Variants in TTLL1 observed in about 807,000 individuals in gnomAD.
The protein encoded by TTLL1 is TTL family tubulin polyglutamylase complex subunit L1.
A neutral mutation model predicts 47.8 loss-of-function variants in TTLL1; 33 were observed. The observed-to-expected ratio is 0.69, with a 90% CI of 0.52 to 0.92. The LOEUF is 0.92. Ranked by LOEUF, TTLL1 falls within the 40% of genes least tolerant of loss-of-function variation. The pLI, the probability that TTLL1 is intolerant of heterozygous loss-of-function variation, is 0.00. For missense variants in TTLL1, 488 were observed against 547.5 expected (o/e 0.89, Z 1.08); for synonymous variants, 225 against 214.1 (o/e 1.05, Z -0.45).
rs751961965 is a variant in TTLL1 at position 43,059,465 on chromosome 22, C to G, written c.810G>C (p.Glu270Asp). 1 of 1,614,068 alleles carries G rather than the reference C, an allele frequency of 6.2e-7. No individual in the cohort carries two copies. The highest frequency in any genetic ancestry group is 1.1e-5 in the South Asian group (1 of 91,072). ...WTVSNLRLYL[E>D]STRGKEVTSK... Reference sequence around the variant, plus strand: ...TGGTCACCTCCTTGCCGCGGGTGCTCTCCAGGTAGAGCCGCAGGTTACTCA... The same window carrying G: ...TGGTCACCTCCTTGCCGCGGGTGCTGTCCAGGTAGAGCCGCAGGTTACTCA... The change falls in exon 8 of 11, where the codon GAG becomes GAC. Residue 270 changes from glutamate (E) to aspartate (D), a missense_variant. By Grantham distance (45) the Glu-to-Asp change is conservative. Coordinates refer to ENST00000266254, the MANE Select transcript of TTLL1 (RefSeq NM_012263.5).
intron 1 of TTLL1, among the ~76,000 whole-genome samples, chr22:43,088,038 C>T (rs941066067): frequency 2.0e-5 from 3 of 148,816 alleles, no homozygotes; most frequent in Non-Finnish European, 4.5e-5. Flanking sequence ...ATCACAGCTA[C>T]ATGGGAGGCT....
At chr22:43,084,915 G>C (rs1246187776) in intron 1 of TTLL1, among the ~76,000 whole-genome samples, 2 of 149,494 alleles carry the variant, frequency 1.3e-5, no homozygotes, top group East Asian at 4.1e-4. Context: ...CCTGCACAGA[G>C]TAAGGAATGA....
intron 2 of TTLL1, among the ~76,000 whole-genome samples, chr22:43,078,676 G>A (rs1252943349): frequency 1.3e-5 from 2 of 152,064 alleles, no homozygotes; most frequent in Non-Finnish European, 2.9e-5. Context: ...ACAACACCCA[G>A]GTCACAGGGT....
At position 43,055,689 on chromosome 22, in the gene TTLL1, G is replaced by A. The variant is rs1926951896; in HGVS notation, c.891+3695C>T. ...GCATCTTGCTATGTGGTCCAGGCTG[G>A]TCTTGAACTCCTGGCCTCAAGCAAT... is the stretch of plus-strand genomic sequence containing the variant. On this transcript the variant is annotated intron_variant, in intron 8 of 10. Coordinates refer to ENST00000266254, the MANE Select transcript of TTLL1 (RefSeq NM_012263.5). Among the ~76,000 whole-genome samples, 6 of 151,790 alleles carry A rather than the reference G, an allele frequency of 4.0e-5. No individual in the cohort carries two copies. The South Asian group carries it at 1.2e-3, about 32-fold the overall frequency.
chr22:43,059,547 C>CA lies in TTLL1; in HGVS notation c.748-21dup, dbSNP rs1185655231. The CA allele has an allele frequency of 4.4e-6, 7 of 1,606,456 alleles. No individual in the cohort carries two copies. The highest frequency in any genetic ancestry group is 6.0e-6 in the Non-Finnish European group (7 of 1,176,358). On this transcript the variant is annotated intron_variant, in intron 7 of 10. Coordinates refer to ENST00000266254, the MANE Select transcript of TTLL1 (RefSeq NM_012263.5). ...GTCCTCCTGGTGACGGGAAAGCGGGCAGGCATCCCTCAGGCTATGCACCCC... is the reference window on the plus strand; with the variant it reads ...GTCCTCCTGGTGACGGGAAAGCGGGCAAGGCATCCCTCAGGCTATGCACCCC...
intron 3 of TTLL1, among the ~76,000 whole-genome samples, chr22:43,073,054 G>A (rs1417284467): frequency 1.3e-5 from 2 of 150,330 alleles, no homozygotes; most frequent in Non-Finnish European, 3.0e-5. Context: ...TTGCTGTGTC[G>A]CCCAGGCTGG....
chr22:43,069,986 C>T (rs1928010243), intron 3 of TTLL1, 142 bp from the exon 4 acceptor site: 17 of 1,375,460 alleles, frequency 1.2e-5, no homozygotes, highest in Admixed American at 2.3e-5. Flanking sequence ...CCAGGGGTTG[C>T]CCGGCCCACA....
In TTLL1 at chr22:43,046,559, C is replaced by T. The variant is rs143499869; in HGVS notation, c.993G>A (p.Pro331=). ...KPWLIEVNAS[P]SLTSSTANDR... Reference sequence around the variant, plus strand: ...CATTGGCAGTGCTGGACGTGAGAGACGGGGACGCATTCACCTGTGAGATGA... The same window carrying T: ...CATTGGCAGTGCTGGACGTGAGAGATGGGGACGCATTCACCTGTGAGATGA... The change falls in exon 10 of 11, where the codon CCG becomes CCA. Residue 331 remains proline, a synonymous_variant. Coordinates refer to ENST00000266254, the MANE Select transcript of TTLL1 (RefSeq NM_012263.5). The T allele has an allele frequency of 1.2e-4, 193 of 1,613,902 alleles. No individual in the cohort carries two copies. Among genetic ancestry groups the T allele is most frequent in the Non-Finnish European group, 1.4e-4 (168 of 1,179,966 alleles).
rs181772873 is a variant in TTLL1, at chr22:43,069,450, G to C, written c.322+186C>G. ...ATTCCCAAGGCACTCACAGAAACTAGGATGCCACACTCAGGCCCCTCCTTC... is the reference window on the plus strand; with the variant it reads ...ATTCCCAAGGCACTCACAGAAACTACGATGCCACACTCAGGCCCCTCCTTC... On this transcript the variant is annotated intron_variant, in intron 4 of 10. Transcript: ENST00000266254. Among the ~76,000 whole-genome samples the C allele has an allele frequency of 4.0e-5, 6 of 149,548 alleles. No homozygotes were observed. The East Asian group carries it at 1.2e-3, about 30-fold the overall frequency.
chr22:43,047,787 C>T (rs180966925), intron 9 of TTLL1, among the ~76,000 whole-genome samples: 3 of 151,818 alleles, frequency 2.0e-5, no homozygotes, highest in Non-Finnish European at 2.9e-5. Flanking sequence ...CTTATTTACT[C>T]ATATTTTAGG....
At chr22:43,044,956 G>A (rs1023649033) in intron 10 of TTLL1, among the ~76,000 whole-genome samples, 19 of 151,560 alleles carry the variant, frequency 1.3e-4, no homozygotes, top group South Asian at 2.1e-4. Flanking sequence ...TCCGCCTCCC[G>A]GGTTCAAGCG....
chr22:43,075,626 C>T, intron 2 of TTLL1, 36 bp from the exon 3 acceptor site: 1 of 1,564,850 alleles, frequency 6.4e-7, no homozygotes, highest in Non-Finnish European at 8.8e-7. Context: ...TATGAAACTT[C>T]AACAGCTCAC....
intron 9 of TTLL1, among the ~76,000 whole-genome samples, chr22:43,051,231 G>A (rs1414452963): frequency 2.0e-5 from 3 of 152,242 alleles, no homozygotes; most frequent in Non-Finnish European, 2.9e-5. Context: ...TCTGAGAAGC[G>A]CGCCAGCGCC....
At chr22:43,056,125 T>C (rs960790841) in intron 8 of TTLL1, among the ~76,000 whole-genome samples, 1 of 149,662 alleles carries the variant, frequency 6.7e-6, no homozygotes, top group East Asian at 2.0e-4. Context: ...ACTTTGGGAG[T>C]CCGAGGCAGG....
intron 8 of TTLL1, among the ~76,000 whole-genome samples, chr22:43,057,539 T>C (rs1280229308): frequency 6.6e-6 from 1 of 152,192 alleles, no homozygotes; most frequent in East Asian, 1.9e-4. Flanking sequence ...CTTTGAGCTT[T>C]GGGAGTTTTG....
At chr22:43,079,752 C>T (rs1445551953) in intron 2 of TTLL1, 150 bp downstream of exon 2, 1 of 152,294 alleles carries the variant, frequency 6.6e-6, no homozygotes, top group Non-Finnish European at 1.5e-5. Context: ...CCTACCGAGG[C>T]AGACGGGCCA....
intron 5 of TTLL1, among the ~76,000 whole-genome samples, chr22:43,067,758 G>A (rs1927833338): frequency 6.6e-6 from 1 of 151,932 alleles, no homozygotes; most frequent in African/African-American, 2.4e-5. Flanking sequence ...ATCACCCTGA[G>A]GTCAGGAGTT....
chr22:43,060,635 C>T (rs1393388510), intron 7 of TTLL1, among the ~76,000 whole-genome samples: 1 of 152,212 alleles, frequency 6.6e-6, no homozygotes, highest in Non-Finnish European at 1.5e-5. Context: ...TCCTCCTGGG[C>T]TGGGATGGGG....
At chr22:43,070,693 T>C (rs1294679418) in intron 3 of TTLL1, among the ~76,000 whole-genome samples, 6 of 152,210 alleles carry the variant, frequency 3.9e-5, no homozygotes, top group East Asian at 1.9e-4. Flanking sequence ...GGGACCCCCA[T>C]TGCCCCACTT....
Sources: gnomAD v4.1 joint callset for allele counts (sites outside exome capture counted in the v4.1 genomes callset) on GRCh38, gnomAD v4.1.1 for gene constraint, MANE v1.5 for transcripts, NCBI Gene and HGNC (gene_info 2026-07-23, HGNC 2026-07-21) for gene names.